The following NLRP9 variants were observed in gnomAD, a reference collection of about 807,000 sequenced individuals.
NLRP9 encodes NLR family pyrin domain containing 9, also known as NACHT, LRR and PYD domains-containing protein 9.
NLRP9 carries 88 observed loss-of-function variants against 83.1 expected under a neutral mutation model. That is an observed-to-expected ratio of 1.06 (90% CI 0.89 to 1.26). The LOEUF (loss-of-function observed/expected upper bound fraction) is 1.26, where lower values mean the gene tolerates loss of function less well. Ranked by LOEUF, NLRP9 falls within the 50% of genes most tolerant of loss-of-function variation. The probability of loss-of-function intolerance (pLI) is 0.00; values close to 1 mark genes in which losing one functional copy is unlikely to be tolerated. For missense variants in NLRP9, 1,308 were observed against 1,179.3 expected (o/e 1.11, Z -1.60); for synonymous variants, 521 against 447.6 (o/e 1.16, Z -2.07).
Position 55,724,001 on chromosome 19 carries a change from A to G in NLRP9, c.2138T>C (p.Met713Thr), listed in dbSNP as rs1288893932. The G allele has an allele frequency of 7.4e-6, 12 of 1,613,950 alleles. No individual in the cohort carries two copies. The highest frequency in any genetic ancestry group is 1.7e-4 in the Middle Eastern group (1 of 6,054). ...RHLCETLKHP[M>T]CKIEELILGK... ...TTACATCAGCTCTTCTATCTTGCAC[A>G]TTGGATGTTTCAGCGTCTCACACAG... The change falls in exon 4 of 9, where the codon ATG (methionine) becomes ACG (threonine). Residue 713 changes from methionine to threonine, a missense_variant. Physicochemically the swap from Met to Thr is moderately conservative, Grantham distance 81. Coordinates refer to ENST00000332836, the MANE Select transcript of NLRP9 (RefSeq NM_176820.4).
At chr19:55,719,397 C>G (rs923794747) in intron 4 of NLRP9, among the ~76,000 whole-genome samples, 1 of 152,160 alleles carries the variant, frequency 6.6e-6, no homozygotes, top group African/African-American at 2.4e-5. Flanking sequence ...AAGTGATCTG[C>G]CCGCCTCGGC....
chr19:55,708,815 T>C lies in NLRP9; in HGVS notation c.*97A>G. On this transcript the variant is annotated 3_prime_UTR_variant, in exon 9 of 9. Coordinates refer to ENST00000332836, the MANE Select transcript of NLRP9 (RefSeq NM_176820.4). Reference sequence around the variant, plus strand: ...AGTACCTCTGAAATCACAGCCCTGCTGCCATGATGTGCAATTACAGGATAG... The same window carrying C: ...AGTACCTCTGAAATCACAGCCCTGCCGCCATGATGTGCAATTACAGGATAG... 1.3e-6 allele frequency: 1 copy of C among 784,916 alleles called. No homozygotes were observed. Among genetic ancestry groups the C allele is most frequent in the Admixed American group, 3.0e-5 (1 of 33,350 alleles). 48.6% of individuals were successfully genotyped at this position (784,916 alleles called of 1,614,324 possible).
At position 55,731,679 on chromosome 19, in the gene NLRP9, G is replaced by A. The variant is rs373436627; in HGVS notation, c.1832+320C>T. On this transcript the variant is annotated intron_variant, in intron 2 of 8. Coordinates refer to ENST00000332836, the MANE Select transcript of NLRP9 (RefSeq NM_176820.4). ...GTGGAGGTTGCAGTAGGCCGAGATC[G>A]CGCCACTGCACTCCAGCCTGGGTGA... Among the ~76,000 whole-genome samples the A allele has an allele frequency of 5.1e-3, 748 of 148,054 alleles. 5 individuals are homozygous for A. Among genetic ancestry groups the A allele is most frequent in the African/African-American group, 0.018 (722 of 39,872 alleles).
chr19:55,734,536 T>C (rs200908648), intron 1 of NLRP9, among the ~76,000 whole-genome samples: 3 of 118,446 alleles, frequency 2.5e-5, no homozygotes, highest in Non-Finnish European at 3.8e-5. Flanking sequence ...CATATATATA[T>C]ATATATACAT....
intron 2 of NLRP9, 66 bp downstream of exon 2, chr19:55,731,933 C>A (rs974750451): frequency 1.9e-6 from 2 of 1,026,812 alleles, no homozygotes; most frequent in African/African-American, 1.6e-5. Context: ...CCATGAAATA[C>A]CCACAGGCCA....
chr19:55,733,561 G>A lies in NLRP9; in HGVS notation c.281-11C>T. 1 of 1,439,044 alleles carries A rather than the reference G, an allele frequency of 6.9e-7. No homozygotes were observed. The allele number at this position is 1,439,044 out of a possible 1,614,324, so 89.1% of individuals were successfully genotyped here. On this transcript the variant is annotated splice_polypyrimidine_tract_variant and intron_variant, in intron 1 of 8. Transcript: ENST00000332836. The stretch of plus-strand genomic sequence containing the variant: ...ATGGGTTTAGCTTATCTGTGTTAAT[G>A]AGAACAGGATATAAGATAGGTAAAA...
intron 6 of NLRP9, among the ~76,000 whole-genome samples, chr19:55,713,644 C>T (rs1987879316): frequency 8.2e-6 from 1 of 121,440 alleles, no homozygotes; most frequent in Non-Finnish European, 1.8e-5. Flanking sequence ...CCTCCTCTCC[C>T]CTCTCCCTCC....
rs201349141 is a variant in NLRP9 at position 55,724,051 on chromosome 19, G to T, written c.2088C>A (p.Ser696Arg). 1.3e-5 allele frequency: 21 copies of T among 1,613,762 alleles called. No individual in the cohort carries two copies. The East Asian group carries it at 4.7e-4, about 36-fold the overall frequency. ...GGTGTCTGATGTCAGACTGGGAGAG[G>T]CTAGTGCCGTACAGGCTCAGAAGTT... ...HLKLLSLYGT[S>R]LSQSDIRHLC... Residue 696 changes from serine to arginine, a missense_variant, in exon 4 of 9, where the codon AGC (serine) becomes AGA (arginine). Transcript: ENST00000332836.
At chr19:55,717,437 C>T (rs1454608685) in intron 4 of NLRP9, among the ~76,000 whole-genome samples, 1 of 152,210 alleles carries the variant, frequency 6.6e-6, no homozygotes, top group South Asian at 2.1e-4. Context: ...ACGCTTCTCA[C>T]CACCTGGGGT....
At chr19:55,726,339 T>A (rs1988403116) in intron 3 of NLRP9, among the ~76,000 whole-genome samples, 1 of 152,208 alleles carries the variant, frequency 6.6e-6, no homozygotes. Flanking sequence ...TTGATTATGA[T>A]ACCATTTGTT....
intron 8 of NLRP9, among the ~76,000 whole-genome samples, chr19:55,711,010 C>T (rs1015924596): frequency 1.1e-4 from 16 of 150,970 alleles, no homozygotes; most frequent in Admixed American, 4.6e-4. Context: ...TCCTTGAGCC[C>T]GGGAGGCAGG....
At position 55,716,889 on chromosome 19, in the gene NLRP9, C is replaced by G. The variant is rs1202730850; in HGVS notation, c.2169G>C (p.Lys723Asn). 1 of 1,613,722 alleles carries G rather than the reference C, an allele frequency of 6.2e-7. No individual in the cohort carries two copies. The highest frequency in any genetic ancestry group is 8.5e-7 in the Non-Finnish European group (1 of 1,179,810). The part of the protein sequence containing the change: ...MCKIEELILG[K>N]CDISSEVCED... ...CACAAACTTCACTGGAGATGTCACA[C>G]TTTCCCAGTCTACATGTGAAACACA... Residue 723 changes from lysine to asparagine, a missense_variant, in exon 5 of 9, where the codon AAG (lysine) becomes AAC (asparagine). By Grantham distance (94) the Lys-to-Asn change is moderately conservative. Coordinates refer to ENST00000332836, the MANE Select transcript of NLRP9 (RefSeq NM_176820.4).
chr19:55,722,951 A>T (rs986302578), intron 4 of NLRP9, among the ~76,000 whole-genome samples: 2 of 152,110 alleles, frequency 1.3e-5, no homozygotes, highest in Non-Finnish European at 2.9e-5. Flanking sequence ...ATCAGTGAGA[A>T]CACATGGACA....
rs778564422 is a variant in NLRP9 at position 55,709,032 on chromosome 19, A to C, written c.2856T>G (p.Ser952=). 31 of 1,573,292 alleles carry C rather than the reference A, an allele frequency of 2.0e-5. No homozygotes were observed. The East Asian group carries it at 7.2e-4, about 37-fold the overall frequency. Reference sequence around the variant, plus strand: ...TCTTCTGAGTTTCTTCATCAAAGCCAGATTTGTGCAGCCTGGGAAAATAGA... The same window carrying C: ...TCTTCTGAGTTTCTTCATCAAAGCCCGATTTGTGCAGCCTGGGAAAATAGA... ...CALQMLGLHK[S]GFDEETQKIL... is the part of the protein sequence containing the mutation. Residue 952 remains serine (S), a synonymous_variant, in exon 9 of 9, where the codon TCT becomes TCG. Transcript: ENST00000332836.
rs745614408 is a variant in NLRP9, at chr19:55,733,323, C to T, written c.508G>A (p.Ala170Thr). ...TLLRKVMLDW[A>T]EGNLWKDRFT... The stretch of plus-strand genomic sequence containing the variant: ...CTGTCCTTCCATAAGTTTCCCTCTG[C>T]CCAGTCCAACATCACTTTTCTTAAA... Residue 170 changes from alanine to threonine, a missense_variant, in exon 2 of 9, where the codon GCA becomes ACA. Ala to Thr is a moderately conservative substitution (Grantham distance 58). Coordinates refer to ENST00000332836, the MANE Select transcript of NLRP9 (RefSeq NM_176820.4). The T allele has an allele frequency of 6.2e-7, 1 of 1,614,044 alleles. No homozygotes were observed. Among genetic ancestry groups the T allele is most frequent in the South Asian group, 1.1e-5 (1 of 91,070 alleles).
At chr19:55,716,685 C>A (rs202199020) in intron 5 of NLRP9, 43 bp downstream of exon 5, 1 of 1,557,104 alleles carries the variant, frequency 6.4e-7, no homozygotes, top group South Asian at 1.1e-5. Context: ...TCCAGGTGCA[C>A]GCTTCAGAAA....
chr19:55,716,713 C>A lies in NLRP9; in HGVS notation c.2330+15G>T. The A allele has an allele frequency of 6.2e-7, 1 of 1,609,874 alleles. No individual in the cohort carries two copies. The highest frequency in any genetic ancestry group is 2.2e-5 in the East Asian group (1 of 44,770). On this transcript the variant is annotated intron_variant, in intron 5 of 8. Coordinates refer to ENST00000332836, the MANE Select transcript of NLRP9 (RefSeq NM_176820.4). ...TTCAGAAATCTCCGAACGTGCTTCCCGCAGACCAACTTACATCAGCCTCTC... is the reference window on the plus strand; with the variant it reads ...TTCAGAAATCTCCGAACGTGCTTCCAGCAGACCAACTTACATCAGCCTCTC...
intron 3 of NLRP9, among the ~76,000 whole-genome samples, chr19:55,725,008 G>C (rs1188607056): frequency 6.6e-6 from 1 of 152,026 alleles, no homozygotes; most frequent in African/African-American, 2.4e-5. Flanking sequence ...GCAGTGAGCC[G>C]AGATGGTGCC....
intron 1 of NLRP9, among the ~76,000 whole-genome samples, chr19:55,736,458 G>T (rs753598030): frequency 1.1e-4 from 16 of 152,042 alleles, no homozygotes; most frequent in South Asian, 2.1e-4. Context: ...TGTCCCAAGT[G>T]AGAAACTCTC....
Sources: gnomAD v4.1 joint callset for allele counts (sites outside exome capture counted in the v4.1 genomes callset) on GRCh38, gnomAD v4.1.1 for gene constraint, MANE v1.5 for transcripts, NCBI Gene and HGNC (gene_info 2026-07-23, HGNC 2026-07-21) for gene names.